XKR6: variants seen among roughly 807,000 people sequenced by gnomAD.
The protein encoded by XKR6 is XK related 6, also known as XK-related protein 6.
In XKR6, 22 loss-of-function variants were observed where a neutral mutation model predicts 56.7. The observed-to-expected ratio is 0.39, with a 90% CI of 0.28 to 0.55. XKR6 has a LOEUF of 0.55. Among genes scored for constraint, XKR6 ranks in the 20% least tolerant of loss-of-function variants. The probability of loss-of-function intolerance (pLI) is 0.66; values close to 1 mark genes in which losing one functional copy is unlikely to be tolerated. For synonymous variants in XKR6, 524 were observed against 387.8 expected (o/e 1.35, Z -4.13); for missense variants, 852 against 889.0 (o/e 0.96, Z 0.53).
At chr8:11,021,975 C>T (rs907411513) in intron 1 of XKR6, among the ~76,000 whole-genome samples, 2 of 151,636 alleles carry the variant, frequency 1.3e-5, no homozygotes, top group African/African-American at 4.9e-5. Context: ...ATTTCCTTAG[C>T]CTCTGTCTCC....
In XKR6 at chr8:11,200,995, C is replaced by G; in HGVS notation, c.345G>C (p.Pro115=). The stretch of plus-strand genomic sequence containing the variant: ...GCTCCACCTGCGGCGGCGGCGGCTC[C>G]GGCCGCGCGGCCGAGGGCGTCGGGG... The part of the protein sequence containing the change: ...RQPPTPSAAR[P]EPPPPQVERP... The change falls in exon 1 of 3, where the codon CCG becomes CCC. Residue 115 remains proline, a synonymous_variant. Coordinates refer to ENST00000416569, the MANE Select transcript of XKR6 (RefSeq NM_173683.4). This position sits in a 1 kb window ranked among gnomAD's most constrained non-coding sequence, Gnocchi z 6.4. The G allele has an allele frequency of 4.1e-6, 6 of 1,446,306 alleles. No homozygotes were observed. Among genetic ancestry groups the G allele is most frequent in the Non-Finnish European group, 5.5e-6 (6 of 1,098,728 alleles). The allele number at this position is 1,446,306 out of a possible 1,614,324, so 89.6% of individuals were successfully genotyped here. A position where few individuals can be genotyped will look rare whatever the true frequency, so the allele number is the denominator to read the frequency against.
intron 1 of XKR6, among the ~76,000 whole-genome samples, chr8:11,186,188 C>T (rs73198974): frequency 6.6e-6 from 1 of 151,830 alleles, no homozygotes; most frequent in Admixed American, 6.6e-5. Flanking sequence ...TCATGCCCCC[C>T]CATCCCCATC....
chr8:11,086,359 G>A (rs923304933), intron 1 of XKR6, among the ~76,000 whole-genome samples: 3 of 152,034 alleles, frequency 2.0e-5, no homozygotes, highest in Non-Finnish European at 2.9e-5. Context: ...CCAAAGCCCG[G>A]GCCGAGGATG....
chr8:11,043,782 G>A (rs191185240), intron 1 of XKR6, among the ~76,000 whole-genome samples: 8 of 152,258 alleles, frequency 5.3e-5, no homozygotes, highest in African/African-American at 9.6e-5. Flanking sequence ...ACATACTCCC[G>A]TTTTCATTTA....
At chr8:11,070,405 A>G (rs1439903208) in intron 1 of XKR6, among the ~76,000 whole-genome samples, 2 of 152,254 alleles carry the variant, frequency 1.3e-5, no homozygotes, top group South Asian at 4.1e-4. Context: ...TATGTAGTCA[A>G]GAACCAGAAA....
At chr8:11,073,803 A>AACAG (rs1800195570) in intron 1 of XKR6, among the ~76,000 whole-genome samples, 1 of 151,904 alleles carries the variant, frequency 6.6e-6, no homozygotes. Context: ...GTGAGAAACA[A>AACAG]ACAGACAGAC....
intron 1 of XKR6, among the ~76,000 whole-genome samples, chr8:10,950,058 G>A (rs1480611303): frequency 6.6e-6 from 1 of 152,126 alleles, no homozygotes; most frequent in East Asian, 1.9e-4. Flanking sequence ...ACCCTTCCTG[G>A]CCCAGGAATG....
Position 11,008,392 on chromosome 8 carries a change from G to A in XKR6, c.765-83562C>T, listed in dbSNP as rs150609415. Among the ~76,000 whole-genome samples, 689 of 148,378 alleles carry A rather than the reference G, an allele frequency of 4.6e-3. 2 individuals carry two copies. Among genetic ancestry groups the A allele is most frequent in the African/African-American group, 0.017 (668 of 39,980 alleles). On this transcript the variant is annotated intron_variant, in intron 1 of 2. Transcript: ENST00000416569. Reference sequence around the variant, plus strand: ...TGTTCCCCTCTTCCTCAGGCTGGACGCATCCCCTAAAGGGGGCTCCCCAGG... The same window carrying A: ...TGTTCCCCTCTTCCTCAGGCTGGACACATCCCCTAAAGGGGGCTCCCCAGG...
chr8:10,939,291 C>G (rs1801317086), intron 1 of XKR6, among the ~76,000 whole-genome samples: 1 of 152,210 alleles, frequency 6.6e-6, no homozygotes, highest in Non-Finnish European at 1.5e-5. Flanking sequence ...ACCACAGTTC[C>G]TGCTTCTCTC....
In XKR6 at chr8:11,118,571, T is replaced by C. The variant is rs145420180; in HGVS notation, c.764+82005A>G. On this transcript the variant is annotated intron_variant, in intron 1 of 2. Transcript: ENST00000416569. ...TGTGTCAAGGCATTTATCCATTTCT[T>C]CTAGACTTTCTAGTTTATTTGTGTA... is the stretch of plus-strand genomic sequence containing the variant. 6.2e-3 allele frequency among the ~76,000 whole-genome samples: 951 copies of C among 152,382 alleles called. 4 individuals carry two copies. The highest frequency in any genetic ancestry group is 9.9e-3 in the Non-Finnish European group (676 of 68,042).
At chr8:11,110,891 C>G (rs920764233) in intron 1 of XKR6, among the ~76,000 whole-genome samples, 3 of 151,662 alleles carry the variant, frequency 2.0e-5, no homozygotes, top group Non-Finnish European at 2.9e-5. Context: ...GGCTGGAGTG[C>G]AGTGGTGCGA....
chr8:11,054,179 G>C (rs558647612), intron 1 of XKR6, among the ~76,000 whole-genome samples: 1 of 152,188 alleles, frequency 6.6e-6, no homozygotes, highest in African/African-American at 2.4e-5. Flanking sequence ...AGGTTTGAGA[G>C]AATTGCATGC....
chr8:11,012,225 G>C (rs1304527851), intron 1 of XKR6, among the ~76,000 whole-genome samples: 1 of 152,186 alleles, frequency 6.6e-6, no homozygotes, highest in Non-Finnish European at 1.5e-5. Flanking sequence ...AGCCAGCATG[G>C]GGACAGAAGG....
intron 1 of XKR6, among the ~76,000 whole-genome samples, chr8:11,183,964 A>T (rs1803130339): frequency 6.6e-6 from 1 of 152,204 alleles, no homozygotes; most frequent in Admixed American, 6.5e-5. Flanking sequence ...TCTGGGCAAT[A>T]ATATCCCCCG....
At chr8:11,080,034 A>G (rs1407861062) in intron 1 of XKR6, among the ~76,000 whole-genome samples, 1 of 152,132 alleles carries the variant, frequency 6.6e-6, no homozygotes, top group African/African-American at 2.4e-5. Flanking sequence ...TAAAATAATC[A>G]TAAAAGGTCC....
At chr8:10,932,777 A>T (rs1291396052) in intron 1 of XKR6, among the ~76,000 whole-genome samples, 7 of 127,456 alleles carry the variant, frequency 5.5e-5, no homozygotes, top group Admixed American at 2.2e-4. Context: ...ATGGCTGCAT[A>T]GTATTCCATG....
At chr8:10,996,310 C>T (rs926373959) in intron 1 of XKR6, among the ~76,000 whole-genome samples, 5 of 152,060 alleles carry the variant, frequency 3.3e-5, no homozygotes, top group Non-Finnish European at 1.5e-5. Flanking sequence ...AAAGCTCTGG[C>T]GGGCCCTCTC....
intron 1 of XKR6, among the ~76,000 whole-genome samples, chr8:11,134,514 G>A (rs1800281054): frequency 6.6e-6 from 1 of 152,154 alleles, no homozygotes; most frequent in South Asian, 2.1e-4. Flanking sequence ...CACAATGGCA[G>A]GCATTCAGTG....
chr8:10,976,283 A>T (rs1802555844), intron 1 of XKR6, among the ~76,000 whole-genome samples: 1 of 152,126 alleles, frequency 6.6e-6, no homozygotes, highest in Admixed American at 6.5e-5. Context: ...CTGATTGTAA[A>T]CAAGCCCACC....
Sources: allele counts gnomAD v4.1 joint callset (sites outside exome capture counted in the v4.1 genomes callset), GRCh38; gene constraint gnomAD v4.1.1; non-coding constraint Gnocchi (gnomAD v3.1); transcripts MANE v1.5; gene names NCBI Gene and HGNC (gene_info 2026-07-23, HGNC 2026-07-21).